Variants in JPH1 observed in about 807,000 individuals in gnomAD.
The protein encoded by JPH1 is junctophilin 1.
In JPH1, 12 loss-of-function variants were observed where a neutral mutation model predicts 53.6. That is an observed-to-expected ratio of 0.22 (90% CI 0.14 to 0.36). The LOEUF is 0.36. Ranked by LOEUF, JPH1 falls within the 10% of genes least tolerant of loss-of-function variation. The pLI, the probability that JPH1 is intolerant of heterozygous loss-of-function variation, is 1.00. For missense variants in JPH1, 808 were observed against 905.5 expected (o/e 0.89, Z 1.38); for synonymous variants, 375 against 363.8 (o/e 1.03, Z -0.35).
At chr8:74,240,049 G>A (rs1368487713) in intron 4 of JPH1, among the ~76,000 whole-genome samples, 1 of 152,100 alleles carries the variant, frequency 6.6e-6, no homozygotes, top group Non-Finnish European at 1.5e-5. Flanking sequence ...TTGGCTCACC[G>A]TAACCTCTGC....
intron 2 of JPH1, among the ~76,000 whole-genome samples, chr8:74,277,061 T>A (rs1438081862): frequency 6.6e-6 from 1 of 152,258 alleles, no homozygotes; most frequent in Non-Finnish European, 1.5e-5. Context: ...TAAGCCCTTG[T>A]AAGATGTTGA....
rs573014386 is a variant in JPH1, at chr8:74,236,151, G to C, written c.*900C>G. The C allele has an allele frequency of 7.2e-5, 11 of 152,316 alleles. No homozygotes were observed. The highest frequency in any genetic ancestry group is 2.6e-4 in the African/African-American group (11 of 41,574). 9.4% of individuals were successfully genotyped at this position (152,316 alleles called of 1,614,324 possible). A position where few individuals can be genotyped will look rare whatever the true frequency, so the allele number is the denominator to read the frequency against. On this transcript the variant is annotated 3_prime_UTR_variant, in exon 6 of 6. Coordinates refer to ENST00000342232, the MANE Select transcript of JPH1 (RefSeq NM_020647.4). Reference sequence around the variant, plus strand: ...TGCATAAATAATTCACCTCAGTAATGTTAAAAATATTTAGAATTAAATTAG... The same window carrying C: ...TGCATAAATAATTCACCTCAGTAATCTTAAAAATATTTAGAATTAAATTAG...
rs1198618542 is a variant in JPH1 at position 74,317,944 on chromosome 8, T to C, written c.380-2324A>G. On this transcript the variant is annotated intron_variant, in intron 1 of 5. Transcript: ENST00000342232. Reference sequence around the variant, plus strand: ...TTTAAGTCTCTGCTTAACTGTCAAATAGGGAAGGGGGGGACAAGAGCATTG... The same window carrying C: ...TTTAAGTCTCTGCTTAACTGTCAAACAGGGAAGGGGGGGACAAGAGCATTG... 2.6e-5 allele frequency among the ~76,000 whole-genome samples: 4 copies of C among 152,058 alleles called. No homozygotes were observed. In the East Asian group the frequency reaches 7.7e-4, roughly 29 times the overall value.
intron 4 of JPH1, 130 bp downstream of exon 4, chr8:74,244,399 C>T: frequency 1.0e-6 from 1 of 978,762 alleles, no homozygotes; most frequent in African/African-American, 1.6e-5. Flanking sequence ...TTATGTGCTG[C>T]TCTAAACAAC....
chr8:74,299,041 C>G (rs781050012), intron 2 of JPH1, among the ~76,000 whole-genome samples: 6 of 152,176 alleles, frequency 3.9e-5, no homozygotes, highest in Non-Finnish European at 8.8e-5. Flanking sequence ...ACACTGGTGA[C>G]CTTTACTGCC....
At chr8:74,285,954 C>G (rs1253747582) in intron 2 of JPH1, among the ~76,000 whole-genome samples, 1 of 152,162 alleles carries the variant, frequency 6.6e-6, no homozygotes, top group Non-Finnish European at 1.5e-5. Context: ...TCAGTCTATA[C>G]CATTTTGTAC....
chr8:74,239,842 GTGGGTA>G (rs917887293), intron 4 of JPH1, among the ~76,000 whole-genome samples: 1 of 152,182 alleles, frequency 6.6e-6, no homozygotes, highest in Admixed American at 6.5e-5. Flanking sequence ...TTTAATTTTT[GTGGGTA>G]ACATGGTATA....
At chr8:74,258,034 T>C (rs1806288535) in intron 3 of JPH1, among the ~76,000 whole-genome samples, 1 of 152,342 alleles carries the variant, frequency 6.6e-6, no homozygotes, top group Admixed American at 6.5e-5. Context: ...GTTTCTAGCT[T>C]TTCTACAAAT....
chr8:74,318,314 T>C (rs1444989428), intron 1 of JPH1, among the ~76,000 whole-genome samples: 1 of 152,212 alleles, frequency 6.6e-6, no homozygotes, highest in African/African-American at 2.4e-5. Flanking sequence ...AATCTTGTAG[T>C]GGAAGGCATC....
intron 2 of JPH1, among the ~76,000 whole-genome samples, chr8:74,279,268 G>C (rs535618856): frequency 6.6e-6 from 1 of 152,324 alleles, no homozygotes; most frequent in South Asian, 2.1e-4. Context: ...ATTTCTTTGG[G>C]AGCTGAGCTA....
At chr8:74,271,146 C>A (rs972810345) in intron 2 of JPH1, among the ~76,000 whole-genome samples, 4 of 152,148 alleles carry the variant, frequency 2.6e-5, no homozygotes, top group African/African-American at 9.7e-5. Flanking sequence ...TTCCACGAGG[C>A]AGGAATTTCT....
chr8:74,318,323 T>C (rs1377961299), intron 1 of JPH1, among the ~76,000 whole-genome samples: 3 of 152,198 alleles, frequency 2.0e-5, no homozygotes, highest in Non-Finnish European at 4.4e-5. Context: ...GTGGAAGGCA[T>C]CCAGTTTAGG....
intron 2 of JPH1, among the ~76,000 whole-genome samples, chr8:74,292,786 T>C (rs1014301961): frequency 5.3e-5 from 8 of 152,196 alleles, no homozygotes; most frequent in African/African-American, 1.9e-4. Flanking sequence ...CACAGAAATG[T>C]AGATGTGTAG....
chr8:74,298,462 T>G (rs996390671), intron 2 of JPH1, among the ~76,000 whole-genome samples: 5 of 152,212 alleles, frequency 3.3e-5, no homozygotes, highest in Non-Finnish European at 7.3e-5. Flanking sequence ...GTAGCTAAAA[T>G]CACTCTCCTC....
At chr8:74,280,612 A>C (rs1806984821) in intron 2 of JPH1, among the ~76,000 whole-genome samples, 1 of 152,204 alleles carries the variant, frequency 6.6e-6, no homozygotes, top group East Asian at 1.9e-4. Flanking sequence ...ACTGAGGAGG[A>C]AAGGAAAGAC....
At chr8:74,266,126 TA>T (rs147395937) in intron 2 of JPH1, among the ~76,000 whole-genome samples, 114 of 147,300 alleles carry the variant, frequency 7.7e-4, no homozygotes, top group East Asian at 2.6e-3. Context: ...CAGTATATAC[TA>T]AAAAAAAAAC....
chr8:74,302,490 A>T (rs1225682350), intron 2 of JPH1, among the ~76,000 whole-genome samples: 1 of 152,214 alleles, frequency 6.6e-6, no homozygotes, highest in East Asian at 1.9e-4. Context: ...TCTATGCTCT[A>T]TTGATAGCAT....
intron 3 of JPH1, among the ~76,000 whole-genome samples, chr8:74,257,015 C>T (rs770841645): frequency 5.3e-5 from 8 of 152,134 alleles, no homozygotes; most frequent in Non-Finnish European, 8.8e-5. Context: ...AAGCCCTTTT[C>T]GAAAATGTCT....
chr8:74,288,364 C>T (rs1313627180), intron 2 of JPH1, among the ~76,000 whole-genome samples: 2 of 152,136 alleles, frequency 1.3e-5, no homozygotes, highest in Non-Finnish European at 2.9e-5. Flanking sequence ...CCTCTGAAAA[C>T]CCATTTCTTC....
Sources: gnomAD v4.1 joint callset for allele counts (sites outside exome capture counted in the v4.1 genomes callset) on GRCh38, gnomAD v4.1.1 for gene constraint, MANE v1.5 for transcripts, NCBI Gene and HGNC (gene_info 2026-07-23, HGNC 2026-07-21) for gene names.